Variants in CDKAL1 observed in about 807,000 individuals in gnomAD.
CDKAL1 encodes threonylcarbamoyladenosine tRNA methylthiotransferase.
CDKAL1 carries 32 observed loss-of-function variants against 68.2 expected under a neutral mutation model. That is an observed-to-expected ratio of 0.47 (90% confidence interval 0.35 to 0.63). The LOEUF (loss-of-function observed/expected upper bound fraction) is 0.63. CDKAL1 is among the 30% of genes least tolerant of loss of function. CDKAL1 has a pLI of 0.00. For synonymous variants in CDKAL1, 234 were observed against 244.3 expected (o/e 0.96, Z 0.39); for missense variants, 606 against 696.7 (o/e 0.87, Z 1.47).
At chr6:20,823,238 C>G (rs1777361834) in intron 8 of CDKAL1, among the ~76,000 whole-genome samples, 1 of 152,152 alleles carries the variant, frequency 6.6e-6, no homozygotes, top group Non-Finnish European at 1.5e-5. Context: ...TTTTCTGGTT[C>G]CAGTTATGGT....
chr6:20,961,923 T>C (rs1765077979), intron 10 of CDKAL1, among the ~76,000 whole-genome samples: 1 of 152,120 alleles, frequency 6.6e-6, no homozygotes, highest in South Asian at 2.1e-4. Flanking sequence ...AAAGTTAAAA[T>C]GTTTATTTTA....
chr6:20,728,660 A>G (rs1772764116), intron 5 of CDKAL1, among the ~76,000 whole-genome samples: 1 of 152,114 alleles, frequency 6.6e-6, no homozygotes, highest in African/African-American at 2.4e-5. Flanking sequence ...TCTGGTCCTC[A>G]GTTTCCTCTT....
intron 5 of CDKAL1, among the ~76,000 whole-genome samples, chr6:20,707,667 T>A (rs1200764213): frequency 6.6e-6 from 1 of 152,200 alleles, no homozygotes; most frequent in Admixed American, 6.5e-5. Context: ...ATAGCCATAT[T>A]TTGCCATCTT....
At chr6:21,047,648 C>A (rs1261028346) in intron 11 of CDKAL1, among the ~76,000 whole-genome samples, 2 of 152,096 alleles carry the variant, frequency 1.3e-5, no homozygotes, top group Non-Finnish European at 2.9e-5. Context: ...TGAATATGAC[C>A]CCATCCTTGT....
At chr6:21,077,082 G>T (rs1028790156) in intron 12 of CDKAL1, among the ~76,000 whole-genome samples, 1 of 152,132 alleles carries the variant, frequency 6.6e-6, no homozygotes, top group African/African-American at 2.4e-5. Context: ...TTCTTGAAAT[G>T]CCTAATAATC....
chr6:21,110,608 A>G (rs761734200), intron 13 of CDKAL1, among the ~76,000 whole-genome samples: 5 of 152,316 alleles, frequency 3.3e-5, no homozygotes, highest in Middle Eastern at 3.4e-3. Context: ...TTATGAAAAT[A>G]TATACATATA....
chr6:20,603,092 T>A (rs1015017204), intron 4 of CDKAL1, among the ~76,000 whole-genome samples: 4 of 152,224 alleles, frequency 2.6e-5, no homozygotes, highest in Admixed American at 6.5e-5. Context: ...CTTCCTCTTC[T>A]ACTTTTTCTT....
At chr6:21,213,268 A>G (rs553582775) in intron 15 of CDKAL1, among the ~76,000 whole-genome samples, 2 of 152,296 alleles carry the variant, frequency 1.3e-5, no homozygotes, top group South Asian at 4.2e-4. Context: ...AAGCTTGGGA[A>G]GCCCTGAACG....
intron 8 of CDKAL1, among the ~76,000 whole-genome samples, chr6:20,798,966 T>TCATTTAAATTGGAACAAAGTCATCTGGAC (rs1388416179): frequency 4.8e-5 from 7 of 145,346 alleles, no homozygotes; most frequent in Non-Finnish European, 7.5e-5. Flanking sequence ...GGTTTGCATC[T>TCATTTAAATTGGAACAAAGTCATCTGGAC]CATTTAAATT....
intron 9 of CDKAL1, among the ~76,000 whole-genome samples, chr6:20,935,901 TTGG>T (rs1010224424): frequency 2.4e-4 from 37 of 152,166 alleles, no homozygotes; most frequent in Admixed American, 5.9e-4. Flanking sequence ...CCCCACACTC[TTGG>T]TGTAAGAGTG....
At chr6:21,086,716 G>A (rs1772715321) in intron 12 of CDKAL1, among the ~76,000 whole-genome samples, 1 of 152,032 alleles carries the variant, frequency 6.6e-6, no homozygotes, top group African/African-American at 2.4e-5. Context: ...CCCCCCGACT[G>A]CCCAAGACCA....
chr6:20,980,755 A>C (rs1014125204), intron 10 of CDKAL1, among the ~76,000 whole-genome samples: 1 of 152,092 alleles, frequency 6.6e-6, no homozygotes, highest in Non-Finnish European at 1.5e-5. Context: ...GGGGAGAGAG[A>C]GGGAGGTGTG....
intron 13 of CDKAL1, among the ~76,000 whole-genome samples, chr6:21,125,677 C>T (rs1256320574): frequency 6.6e-6 from 1 of 152,056 alleles, no homozygotes; most frequent in Admixed American, 6.6e-5. Flanking sequence ...GAAACTCCAT[C>T]TCAAAAAAAC....
intron 5 of CDKAL1, among the ~76,000 whole-genome samples, chr6:20,671,109 G>T (rs1769793324): frequency 6.6e-6 from 1 of 152,164 alleles, no homozygotes; most frequent in Admixed American, 6.6e-5. Context: ...CCCTCCAAAA[G>T]GGTTGTAACA....
Position 20,690,438 on chromosome 6 carries a change from C to T in CDKAL1, c.371+41061C>T, listed in dbSNP as rs191401910. ...GGTCACAGAATGAGCATTTTACGAA[C>T]TCCAGACATATTTTTCAACACTGTT... On this transcript the variant is annotated intron_variant, in intron 5 of 15. Coordinates refer to ENST00000274695, the MANE Select transcript of CDKAL1 (RefSeq NM_017774.3). Among the ~76,000 whole-genome samples the T allele has an allele frequency of 1.7e-3, 256 of 152,164 alleles. 1 individual carries two copies. Among genetic ancestry groups the T allele is most frequent in the African/African-American group, 6.0e-3 (249 of 41,516 alleles).
At chr6:20,544,487 A>G (rs531563602) in intron 2 of CDKAL1, among the ~76,000 whole-genome samples, 2 of 150,600 alleles carry the variant, frequency 1.3e-5, no homozygotes, top group East Asian at 4.0e-4. Context: ...TCCCAGCTAC[A>G]CGGGAGGCTG....
intron 15 of CDKAL1, among the ~76,000 whole-genome samples, chr6:21,206,199 G>C (rs1478672444): frequency 6.6e-6 from 1 of 151,908 alleles, no homozygotes; most frequent in Non-Finnish European, 1.5e-5. Context: ...AGTCTTATTC[G>C]ATAACTTCTG....
chr6:20,620,218 G>A (rs895206185), intron 4 of CDKAL1, among the ~76,000 whole-genome samples: 1 of 151,964 alleles, frequency 6.6e-6, no homozygotes, highest in Non-Finnish European at 1.5e-5. Flanking sequence ...TCTTTTGGAG[G>A]GAAATGATGA....
chr6:20,790,228 T>C (rs1050382323), intron 8 of CDKAL1, among the ~76,000 whole-genome samples: 1 of 152,230 alleles, frequency 6.6e-6, no homozygotes, highest in Non-Finnish European at 1.5e-5. Flanking sequence ...AATAAAGTTA[T>C]AAGCTCACAT....
Sources: allele counts gnomAD v4.1 joint callset (sites outside exome capture counted in the v4.1 genomes callset), GRCh38; gene constraint gnomAD v4.1.1; transcripts MANE v1.5; gene names NCBI Gene and HGNC (gene_info 2026-07-23, HGNC 2026-07-21).